Variants in SPATS2 observed in about 807,000 individuals in gnomAD.
SPATS2 encodes spermatogenesis associated serine rich 2, also known as spermatogenesis-associated serine-rich protein 2.
SPATS2 carries 38 observed loss-of-function variants against 63.7 expected under a neutral mutation model. The ratio of observed to expected loss-of-function variants is 0.60; its 90% CI spans 0.46 to 0.78. The LOEUF (loss-of-function observed/expected upper bound fraction) is 0.78, where lower values mean the gene tolerates loss of function less well. SPATS2 is among the 30% of genes least tolerant of loss of function. The probability of loss-of-function intolerance (pLI) is 0.00; values close to 1 mark genes in which losing one functional copy is unlikely to be tolerated. For missense variants in SPATS2, 588 were observed against 666.2 expected (o/e 0.88, Z 1.29); for synonymous variants, 207 against 232.9 (o/e 0.89, Z 1.01).
chr12:49,470,563 A>C (rs1344933624), intron 3 of SPATS2, among the ~76,000 whole-genome samples: 1 of 152,242 alleles, frequency 6.6e-6, no homozygotes, highest in Non-Finnish European at 1.5e-5. Context: ...AGAAAGAAAA[A>C]TATAACTTAG....
At chr12:49,373,054 CCTCCACCT>C (rs1020815277) in intron 2 of SPATS2, among the ~76,000 whole-genome samples, 2 of 149,478 alleles carry the variant, frequency 1.3e-5, no homozygotes, top group African/African-American at 4.9e-5. Context: ...CTCACCACAA[CCTCCACCT>C]CTCGGGTTCA....
intron 8 of SPATS2, among the ~76,000 whole-genome samples, chr12:49,498,173 C>T (rs1325846719): frequency 8.4e-6 from 1 of 118,894 alleles, no homozygotes; most frequent in Admixed American, 7.9e-5. Context: ...TATATATGCG[C>T]ACAAGGCTTG....
At chr12:49,517,772 G>A (rs1056864548) in intron 10 of SPATS2, among the ~76,000 whole-genome samples, 15 of 152,064 alleles carry the variant, frequency 9.9e-5, no homozygotes, top group African/African-American at 3.4e-4. Context: ...TATCTCAATG[G>A]GGAAACTATA....
intron 3 of SPATS2, among the ~76,000 whole-genome samples, chr12:49,473,048 C>CAA (rs34734137): frequency 3.6e-5 from 3 of 83,620 alleles, no homozygotes; most frequent in Non-Finnish European, 4.9e-5. Flanking sequence ...GACCCTGTCT[C>CAA]AAAAAAAAAA....
At chr12:49,500,277 C>A in intron 9 of SPATS2, 72 bp downstream of exon 9, 1 of 1,463,296 alleles carries the variant, frequency 6.8e-7, no homozygotes. Flanking sequence ...GTCAGCCATT[C>A]CCCAAGTTCA....
chr12:49,444,166 A>C (rs1945471069), intron 2 of SPATS2, among the ~76,000 whole-genome samples: 1 of 151,442 alleles, frequency 6.6e-6, no homozygotes, highest in South Asian at 2.1e-4. Flanking sequence ...TCAGAGTATG[A>C]GATTTGTACA....
chr12:49,393,470 G>T (rs1944455500), intron 2 of SPATS2, among the ~76,000 whole-genome samples: 1 of 151,900 alleles, frequency 6.6e-6, no homozygotes, highest in South Asian at 2.1e-4. Flanking sequence ...TTCCTTCATT[G>T]ACTTTTTTAT....
chr12:49,437,823 A>AAGAGGGAGAGGGAGACCGTGGGG (rs1193836802), intron 2 of SPATS2, among the ~76,000 whole-genome samples: 1 of 151,922 alleles, frequency 6.6e-6, no homozygotes, highest in Admixed American at 6.6e-5. Context: ...ACCGTGGAAA[A>AAGAGGGAGAGGGAGACCGTGGGG]AGAGGGAGAG....
chr12:49,400,711 T>C (rs1382321745), intron 2 of SPATS2, among the ~76,000 whole-genome samples: 1 of 152,074 alleles, frequency 6.6e-6, no homozygotes, highest in African/African-American at 2.4e-5. Flanking sequence ...TGTTCATTGA[T>C]AGCTTGAGGA....
chr12:49,394,803 G>A (rs1036913963), intron 2 of SPATS2, among the ~76,000 whole-genome samples: 2 of 152,108 alleles, frequency 1.3e-5, no homozygotes, highest in African/African-American at 4.8e-5. Context: ...CGGGCGTGGT[G>A]CCTCACGCCT....
intron 4 of SPATS2, among the ~76,000 whole-genome samples, chr12:49,488,945 A>G (rs1946340641): frequency 6.6e-6 from 1 of 152,146 alleles, no homozygotes; most frequent in African/African-American, 2.4e-5. Flanking sequence ...TTTTGTTTTA[A>G]TAAACTCAGT....
At chr12:49,510,736 A>C (rs1428879365) in intron 9 of SPATS2, among the ~76,000 whole-genome samples, 1 of 152,144 alleles carries the variant, frequency 6.6e-6, no homozygotes, top group Non-Finnish European at 1.5e-5. Flanking sequence ...ACAGTTATAA[A>C]CAAATAATTA....
At chr12:49,443,851 A>C (rs574988240) in intron 2 of SPATS2, among the ~76,000 whole-genome samples, 1 of 152,204 alleles carries the variant, frequency 6.6e-6, no homozygotes, top group Non-Finnish European at 1.5e-5. Context: ...ATGTGTGCCT[A>C]TTCTTATGAC....
chr12:49,467,304 C>T (rs1020115962), intron 3 of SPATS2, among the ~76,000 whole-genome samples: 10 of 151,386 alleles, frequency 6.6e-5, no homozygotes, highest in African/African-American at 9.7e-5. Flanking sequence ...CCTCGTGATC[C>T]GCCCACCTTG....
upstream of SPATS2, chr12:49,367,340 G>C (rs552529657): frequency 7.2e-4 from 282 of 389,518 alleles, 1 homozygote; most frequent in African/African-American, 5.4e-3. Context: ...CCTGGGCGAG[G>C]GTCGGGGTGA....
At position 49,395,710 on chromosome 12, in the gene SPATS2, G is replaced by A. The variant is rs544880366; in HGVS notation, c.-244+24420G>A. On this transcript the variant is annotated intron_variant, in intron 2 of 13. Transcript: ENST00000552918. ...CAAAGTGCTGGGATTACAGGCATGA[G>A]CCACTGTGCCCGACCCAGATTGTTA... Among the ~76,000 whole-genome samples the A allele has an allele frequency of 7.2e-4, 110 of 152,328 alleles. 1 individual carries two copies. Among genetic ancestry groups the A allele is most frequent in the Admixed American group, 5.9e-4 (9 of 15,300 alleles).
At chr12:49,462,708 G>C (rs1279423453) in intron 3 of SPATS2, 2 of 516,766 alleles carry the variant, frequency 3.9e-6, no homozygotes, top group African/African-American at 3.9e-5. Flanking sequence ...GGGTTGGTGG[G>C]GTGCGGGTAG....
At chr12:49,501,811 G>T (rs928348805) in intron 9 of SPATS2, among the ~76,000 whole-genome samples, 1 of 152,052 alleles carries the variant, frequency 6.6e-6, no homozygotes, top group African/African-American at 2.4e-5. Flanking sequence ...TAGAGATGGG[G>T]TTTCACCATG....
At chr12:49,403,988 G>A (rs2137314336) in intron 2 of SPATS2, among the ~76,000 whole-genome samples, 1 of 152,298 alleles carries the variant, frequency 6.6e-6, no homozygotes, top group East Asian at 1.9e-4. Flanking sequence ...CTGGATGTGA[G>A]ACTTGACTTT....
Sources: gnomAD v4.1 joint callset for allele counts (sites outside exome capture counted in the v4.1 genomes callset) on GRCh38, gnomAD v4.1.1 for gene constraint, MANE v1.5 for transcripts, NCBI Gene and HGNC (gene_info 2026-07-23, HGNC 2026-07-21) for gene names.